The following ERBB4 variants were observed in gnomAD, a reference collection of about 807,000 sequenced individuals.
ERBB4 encodes the protein erb-b2 receptor tyrosine kinase 4, also known as receptor tyrosine-protein kinase erbB-4.
A neutral mutation model predicts 158.0 loss-of-function variants in ERBB4; 42 were observed. The ratio of observed to expected loss-of-function variants is 0.27; its 90% CI spans 0.21 to 0.34. The LOEUF is 0.34. Among genes scored for constraint, ERBB4 ranks in the 10% least tolerant of loss-of-function variants. The pLI is 1.00. For missense variants in ERBB4, 1,333 were observed against 1,624.1 expected, an observed-to-expected ratio of 0.82 and a Z score of 3.08; for synonymous variants, 583 against 558.7, an observed-to-expected ratio of 1.04 and a Z score of -0.61.
chr2:211,489,720 T>C lies in ERBB4; in HGVS notation c.2488-58620A>G, dbSNP rs187287626. The stretch of plus-strand genomic sequence containing the variant: ...TATTTCAACTGCATTCATATGTATA[T>C]TGTACAACATGACAAATAGCATATG... On this transcript the variant is annotated intron_variant, in intron 20 of 27. Transcript: ENST00000342788. Among the ~76,000 whole-genome samples the C allele has an allele frequency of 6.7e-3, 1,020 of 152,114 alleles. 3 individuals are homozygous for C. The highest frequency in any genetic ancestry group is 0.02 in the Middle Eastern group (6 of 294).
rs745686415 is a variant in ERBB4 at position 211,377,855 on chromosome 2, G to A, written c.*5760C>T. ...CTCGTCTCAAATTCCTATAGGGAAG[G>A]ACACAGAGAATTGATCTTCATGGGA... On this transcript the variant is annotated 3_prime_UTR_variant, in exon 28 of 28. Transcript: ENST00000342788. 17 of 232,730 alleles carry A rather than the reference G, an allele frequency of 7.3e-5. No individual in the cohort carries two copies. Among genetic ancestry groups the A allele is most frequent in the Admixed American group, 1.1e-4 (2 of 17,726 alleles). 14.4% of individuals were successfully genotyped at this position (232,730 alleles called of 1,614,324 possible). A position where few individuals can be genotyped will look rare whatever the true frequency, so the allele number is the denominator to read the frequency against.
At chr2:211,777,639 T>A (rs2075916977) in intron 4 of ERBB4, 1 of 152,162 alleles carries the variant, frequency 6.6e-6, no homozygotes, top group Admixed American at 6.5e-5. Context: ...TACAAAAAAT[T>A]ATAGCCTTGT....
At chr2:211,662,010 G>A (rs1191230919) in intron 15 of ERBB4, among the ~76,000 whole-genome samples, 1 of 106,428 alleles carries the variant, frequency 9.4e-6, no homozygotes, top group Non-Finnish European at 1.7e-5. Context: ...CTGCACTCCA[G>A]CCTGGGCGAC....
chr2:211,419,549 G>A (rs1175696359), intron 25 of ERBB4, among the ~76,000 whole-genome samples: 1 of 151,990 alleles, frequency 6.6e-6, no homozygotes, highest in African/African-American at 2.4e-5. Context: ...CTTATCAATG[G>A]AAGAAACTGA....
intron 1 of ERBB4, among the ~76,000 whole-genome samples, chr2:212,521,510 T>G (rs529010616): frequency 4.6e-5 from 7 of 152,044 alleles, no homozygotes; most frequent in African/African-American, 1.7e-4. Flanking sequence ...GCTCTTCTCA[T>G]ATTTAACGTT....
intron 1 of ERBB4, among the ~76,000 whole-genome samples, chr2:212,429,875 T>C (rs545114161): frequency 3.5e-4 from 53 of 152,332 alleles, no homozygotes; most frequent in Admixed American, 1.5e-3. Context: ...TACTTAAAAC[T>C]ATTCATAATT....
intron 1 of ERBB4, among the ~76,000 whole-genome samples, chr2:212,517,795 T>C (rs1691929054): frequency 6.6e-6 from 1 of 152,202 alleles, no homozygotes; most frequent in South Asian, 2.1e-4. Flanking sequence ...CTTACTTGGG[T>C]ATCTGAAAGG....
intron 1 of ERBB4, among the ~76,000 whole-genome samples, chr2:212,438,161 A>G (rs1411309992): frequency 6.6e-6 from 1 of 152,060 alleles, no homozygotes; most frequent in Non-Finnish European, 1.5e-5. Flanking sequence ...ATACATTTTT[A>G]TAACTGTGAG....
intron 20 of ERBB4, among the ~76,000 whole-genome samples, chr2:211,506,710 AAC>A: frequency 6.8e-6 from 1 of 147,470 alleles, no homozygotes; most frequent in African/African-American, 2.4e-5. Context: ...AACAAATGAA[AAC>A]AGAGACACAA....
At position 211,383,524 on chromosome 2, in the gene ERBB4, C is replaced by G; in HGVS notation, c.*91G>C. On this transcript the variant is annotated 3_prime_UTR_variant, in exon 28 of 28. Transcript: ENST00000342788. ...ACTGGGAAGTGTCAAAACTACTGGC[C>G]TTGGGGTAGAAGGAAGACCACCAGA... 9.4e-7 allele frequency: 1 copy of G among 1,063,382 alleles called. No individual in the cohort carries two copies. The highest frequency in any genetic ancestry group is 1.5e-6 in the Non-Finnish European group (1 of 687,882). 65.9% of individuals were successfully genotyped at this position (1,063,382 alleles called of 1,614,324 possible). A position where few individuals can be genotyped will look rare whatever the true frequency, so the allele number is the denominator to read the frequency against.
intron 1 of ERBB4, among the ~76,000 whole-genome samples, chr2:212,294,201 T>G (rs1343191310): frequency 1.3e-5 from 2 of 152,188 alleles, no homozygotes; most frequent in South Asian, 2.1e-4. Flanking sequence ...TACAAGGTTT[T>G]ATTACACAAT....
At chr2:211,546,071 C>CA (rs1432970899) in intron 20 of ERBB4, among the ~76,000 whole-genome samples, 2 of 151,854 alleles carry the variant, frequency 1.3e-5, no homozygotes, top group African/African-American at 4.8e-5. Flanking sequence ...GAACCGTTGC[C>CA]AAAAAGCTCT....
intron 19 of ERBB4, among the ~76,000 whole-genome samples, chr2:211,610,315 T>A (rs1239175143): frequency 1.3e-5 from 2 of 152,180 alleles, no homozygotes; most frequent in African/African-American, 4.8e-5. Flanking sequence ...AATTACTTCA[T>A]GCCATATAAT....
At position 212,345,219 on chromosome 2, in the gene ERBB4, T is replaced by C. The variant is rs113780452; in HGVS notation, c.82+193230A>G. Among the ~76,000 whole-genome samples, 869 of 126,190 alleles carry C rather than the reference T, an allele frequency of 6.9e-3. 6 individuals carry two copies. The highest frequency in any genetic ancestry group is 0.024 in the African/African-American group (832 of 34,006). 82.8% of individuals were successfully genotyped at this position (126,190 alleles called of 152,430 possible). On this transcript the variant is annotated intron_variant, in intron 1 of 27. Transcript: ENST00000342788. The stretch of plus-strand genomic sequence containing the variant: ...AGGTGGAGCTTGCAGTGAGCCCAGA[T>C]TGTGCCACTGCCCTCCAGCCTGGGG...
intron 1 of ERBB4, among the ~76,000 whole-genome samples, chr2:212,137,830 C>T (rs914911434): frequency 2.0e-5 from 3 of 152,278 alleles, no homozygotes; most frequent in Non-Finnish European, 2.9e-5. Context: ...CCAAAAGAAA[C>T]TATCAACAGA....
intron 3 of ERBB4, among the ~76,000 whole-genome samples, chr2:211,886,002 AT>A (rs1471093891): frequency 6.6e-6 from 1 of 152,166 alleles, no homozygotes; most frequent in Non-Finnish European, 1.5e-5. Flanking sequence ...TACGTCAAAT[AT>A]TTTTACCAAT....
rs113081842 is a variant in ERBB4, at chr2:212,497,187, A to C, written c.82+41262T>G. Among the ~76,000 whole-genome samples the C allele has an allele frequency of 1.1e-4, 8 of 75,088 alleles. No homozygotes were observed. The African/African-American group carries it at 1.3e-3, about 12-fold the overall frequency. 49.3% of individuals were successfully genotyped at this position (75,088 alleles called of 152,430 possible). On this transcript the variant is annotated intron_variant, in intron 1 of 27. Coordinates refer to ENST00000342788, the MANE Select transcript of ERBB4 (RefSeq NM_005235.3). ...GAGCAAAACTCCATCTCAAAAAAAA[A>C]AAAAAAAAAACCCTATATTTTTAAA...
At position 211,444,107 on chromosome 2, in the gene ERBB4, G is replaced by GT. The variant is rs1274485596; in HGVS notation, c.2488-13008dup. Reference sequence around the variant, plus strand: ...CCTTACCATCGTTAAAGTTTGTGGGGTTTTTTTTGTATACTTTCATTTCTG... The same window carrying GT: ...CCTTACCATCGTTAAAGTTTGTGGGGTTTTTTTTTGTATACTTTCATTTCTG... On this transcript the variant is annotated intron_variant, in intron 20 of 27. Coordinates refer to ENST00000342788, the MANE Select transcript of ERBB4 (RefSeq NM_005235.3). Among the ~76,000 whole-genome samples, 5 of 150,080 alleles carry GT rather than the reference G, an allele frequency of 3.3e-5. No individual in the cohort carries two copies. The East Asian group carries it at 5.9e-4, about 18-fold the overall frequency.
At chr2:212,440,532 G>T (rs2092232272) in intron 1 of ERBB4, among the ~76,000 whole-genome samples, 3 of 152,140 alleles carry the variant, frequency 2.0e-5, no homozygotes, top group Admixed American at 1.3e-4. Context: ...TCCCTCTAGA[G>T]AACCCTGACT....
Sources: allele counts gnomAD v4.1 joint callset (sites outside exome capture counted in the v4.1 genomes callset), GRCh38; gene constraint gnomAD v4.1.1; transcripts MANE v1.5; gene names NCBI Gene and HGNC (gene_info 2026-07-23, HGNC 2026-07-21).